Variants in GRIK2 observed in about 807,000 individuals in gnomAD.
GRIK2 encodes glutamate ionotropic receptor kainate type subunit 2, also known as glutamate receptor ionotropic, kainate 2.
In GRIK2, 32 loss-of-function variants were observed where a neutral mutation model predicts 100.3. The ratio of observed to expected loss-of-function variants is 0.32; its 90% CI spans 0.24 to 0.43. The LOEUF is 0.43. GRIK2 is among the 20% of genes least tolerant of loss of function. The pLI is 1.00. For missense variants in GRIK2, 843 were observed against 1,114.9 expected, an observed-to-expected ratio of 0.76 and a Z score of 3.47; for synonymous variants, 417 against 389.4, an observed-to-expected ratio of 1.07 and a Z score of -0.83.
chr6:102,065,735 C>T (rs944121940), intron 16 of GRIK2: 19 of 1,011,602 alleles, frequency 1.9e-5, no homozygotes, highest in African/African-American at 1.0e-4. Flanking sequence ...TAAATGTCAA[C>T]GGGATCAAGT....
chr6:102,060,817 T>C (rs1562147033), intron 16 of GRIK2, among the ~76,000 whole-genome samples: 2 of 150,828 alleles, frequency 1.3e-5, no homozygotes, highest in East Asian at 3.9e-4. Context: ...AGCATAATTA[T>C]ATAATAATAT....
chr6:102,035,921 G>C (rs989816136), intron 15 of GRIK2, among the ~76,000 whole-genome samples: 3 of 151,206 alleles, frequency 2.0e-5, no homozygotes, highest in African/African-American at 7.3e-5. Flanking sequence ...TAAATTTGTG[G>C]CTTACAAATA....
chr6:101,671,756 C>T (rs946446090), intron 4 of GRIK2, among the ~76,000 whole-genome samples: 8 of 151,986 alleles, frequency 5.3e-5, no homozygotes, highest in Admixed American at 4.6e-4. Flanking sequence ...CCCAGCTACT[C>T]GGGAGGCTGA....
chr6:101,427,796 G>T (rs1769124001), intron 2 of GRIK2, among the ~76,000 whole-genome samples: 2 of 152,156 alleles, frequency 1.3e-5, no homozygotes, highest in Admixed American at 1.3e-4. Flanking sequence ...CTGTTAGTCA[G>T]TCACTTTGTC....
In GRIK2 at chr6:101,915,327, G is replaced by A. The variant is rs562098976; in HGVS notation, c.1749-9274G>A. Reference sequence around the variant, plus strand: ...GCAGGTTACATAAACTACGTATTTGGAATGATGACTAAAAATTTTCAGGCT... The same window carrying A: ...GCAGGTTACATAAACTACGTATTTGAAATGATGACTAAAAATTTTCAGGCT... On this transcript the variant is annotated intron_variant, in intron 12 of 16. Transcript: ENST00000369134. Among the ~76,000 whole-genome samples the A allele has an allele frequency of 2.0e-5, 3 of 151,260 alleles. No homozygotes were observed. In the South Asian group the frequency reaches 6.2e-4, roughly 31 times the overall value.
intron 2 of GRIK2, among the ~76,000 whole-genome samples, chr6:101,459,365 A>G (rs557765824): frequency 2.6e-5 from 4 of 152,228 alleles, no homozygotes; most frequent in Non-Finnish European, 5.9e-5. Context: ...GAAACCATTT[A>G]GTCTTCCATT....
chr6:102,067,446 A>G (rs1772073388), intron 16 of GRIK2, among the ~76,000 whole-genome samples: 1 of 151,748 alleles, frequency 6.6e-6, no homozygotes, highest in Admixed American at 6.6e-5. Context: ...GTTCATAATC[A>G]ATAAAGCAGC....
At position 101,843,481 on chromosome 6, in the gene GRIK2, A is replaced by G. The variant is rs557668148; in HGVS notation, c.1318-15806A>G. On this transcript the variant is annotated intron_variant, in intron 10 of 16. Transcript: ENST00000369134. The stretch of plus-strand genomic sequence containing the variant: ...CTCCATAGTTATCTGTCTTGACTGC[A>G]TATTTGACCAGCTAAATAATTTCTA... Among the ~76,000 whole-genome samples the G allele has an allele frequency of 8.5e-5, 13 of 152,266 alleles. No homozygotes were observed. The East Asian group carries it at 1.2e-3, about 14-fold the overall frequency.
chr6:102,008,265 G>A (rs752368592), intron 14 of GRIK2, among the ~76,000 whole-genome samples: 3 of 152,034 alleles, frequency 2.0e-5, no homozygotes, highest in Non-Finnish European at 2.9e-5. Context: ...ATGCTTTTTA[G>A]AAAGAGGACT....
intron 7 of GRIK2, among the ~76,000 whole-genome samples, chr6:101,783,445 TCTA>T: frequency 6.6e-6 from 1 of 152,286 alleles, no homozygotes; most frequent in South Asian, 2.1e-4. Context: ...CTCTTTTGTT[TCTA>T]AATTACCCAG....
intron 2 of GRIK2, among the ~76,000 whole-genome samples, chr6:101,592,041 A>G (rs1441212572): frequency 1.3e-5 from 2 of 151,894 alleles, no homozygotes; most frequent in Non-Finnish European, 2.9e-5. Flanking sequence ...GTTGTTTAAA[A>G]GTCTGGGGTC....
intron 2 of GRIK2, among the ~76,000 whole-genome samples, chr6:101,504,341 A>T: frequency 6.6e-6 from 1 of 151,996 alleles, no homozygotes; most frequent in South Asian, 2.1e-4. Flanking sequence ...TTTTTTTCTG[A>T]TTTATTATAT....
chr6:101,819,119 T>C (rs1781799975), intron 10 of GRIK2, among the ~76,000 whole-genome samples: 1 of 152,172 alleles, frequency 6.6e-6, no homozygotes, highest in African/African-American at 2.4e-5. Flanking sequence ...ACAGTAATGT[T>C]CGCTTATGCC....
At chr6:101,478,108 A>G (rs1772341320) in intron 2 of GRIK2, among the ~76,000 whole-genome samples, 1 of 152,208 alleles carries the variant, frequency 6.6e-6, no homozygotes, top group Admixed American at 6.5e-5. Flanking sequence ...AAGAGTATAT[A>G]ATGTTAATGG....
chr6:101,769,736 G>A (rs968456581), intron 7 of GRIK2, among the ~76,000 whole-genome samples: 3 of 152,222 alleles, frequency 2.0e-5, no homozygotes, highest in South Asian at 2.1e-4. Context: ...AGTGAGAGAG[G>A]CCCTCTAAAA....
At chr6:101,550,264 T>C (rs1265037090) in intron 2 of GRIK2, among the ~76,000 whole-genome samples, 5 of 152,198 alleles carry the variant, frequency 3.3e-5, no homozygotes, top group Non-Finnish European at 7.3e-5. Flanking sequence ...TTCATTGATA[T>C]CTTTTTAGTC....
intron 14 of GRIK2, among the ~76,000 whole-genome samples, chr6:101,986,098 T>C (rs537346650): frequency 6.6e-6 from 1 of 151,946 alleles, no homozygotes; most frequent in Non-Finnish European, 1.5e-5. Flanking sequence ...TTTCAACCTC[T>C]TGCAAATTAG....
At chr6:101,690,335 G>C (rs573161425) in intron 7 of GRIK2, among the ~76,000 whole-genome samples, 1 of 151,862 alleles carries the variant, frequency 6.6e-6, no homozygotes, top group Non-Finnish European at 1.5e-5. Context: ...GTTTCTATAG[G>C]GATATTACTG....
intron 14 of GRIK2, among the ~76,000 whole-genome samples, chr6:102,031,709 G>A (rs892234872): frequency 3.3e-5 from 5 of 151,164 alleles, no homozygotes; most frequent in African/African-American, 7.3e-5. Flanking sequence ...ATCTGAGAAC[G>A]TGCAATATTT....
Sources: allele counts gnomAD v4.1 joint callset (sites outside exome capture counted in the v4.1 genomes callset), GRCh38; gene constraint gnomAD v4.1.1; transcripts MANE v1.5; gene names NCBI Gene and HGNC (gene_info 2026-07-23, HGNC 2026-07-21).